DNAH8: variants seen among roughly 807,000 people sequenced by gnomAD.
DNAH8 encodes the protein axonemal beta dynein heavy chain 8.
A neutral mutation model predicts 562.1 loss-of-function variants in DNAH8; 382 were observed. The ratio of observed to expected loss-of-function variants is 0.68; its 90% CI spans 0.63 to 0.74. The LOEUF is 0.74. Among genes scored for constraint, DNAH8 ranks in the 30% least tolerant of loss-of-function variants. DNAH8 has a pLI of 0.00. For missense variants in DNAH8, 5,203 were observed against 5,620.4 expected (o/e 0.93, Z 2.37); for synonymous variants, 1,881 against 1,919.4 (o/e 0.98, Z 0.52).
chr6:38,924,852 A>T (rs1929900), intron 73 of DNAH8: 106,253 of 152,100 alleles, frequency 0.7, 37,732 homozygotes, highest in East Asian at 0.84. Context: ...TAGTGTCTAA[A>T]AACGTAACAG....
chr6:38,781,236 T>A lies in DNAH8; in HGVS notation c.2140-18T>A. ...CTTGTATTGAATTCAAACATTAACA[T>A]CAGATTTTTAATTACAGCTTTATCA... On this transcript the variant is annotated intron_variant, in intron 15 of 92. Coordinates refer to ENST00000327475, the MANE Select transcript of DNAH8 (RefSeq NM_001206927.2). 1 of 1,613,338 alleles carries A rather than the reference T, an allele frequency of 6.2e-7. No individual in the cohort carries two copies. Among genetic ancestry groups the A allele is most frequent in the Non-Finnish European group, 8.5e-7 (1 of 1,179,624 alleles).
Position 38,741,828 on chromosome 6 carries a change from G to A in DNAH8, c.1234G>A (p.Gly412Arg), listed in dbSNP as rs867564649. Reference sequence around the variant, plus strand: ...CAACTATATCATTGAGCAGATTAAAGGGCCAAGTTGTAAGGCTGTCATAAA... The same window carrying A: ...CAACTATATCATTGAGCAGATTAAAAGGCCAAGTTGTAAGGCTGTCATAAA... ...KFNYIIEQIK[G>R]PSCKAVINVL... Residue 412 changes from glycine (G) to arginine (R), a missense_variant, in exon 8 of 93, where the codon GGG (glycine) becomes AGG (arginine). Transcript: ENST00000327475. 6.2e-7 allele frequency: 1 copy of A among 1,614,106 alleles called. No individual in the cohort carries two copies. The highest frequency in any genetic ancestry group is 8.5e-7 in the Non-Finnish European group (1 of 1,179,988).
rs1781863583 is a variant in DNAH8 at position 38,923,314 on chromosome 6, T to TTC, written c.10790+129_10790+130insTC. On this transcript the variant is annotated intron_variant, in intron 72 of 92. Transcript: ENST00000327475. The stretch of plus-strand genomic sequence containing the variant: ...TGCTTGCAACTTAAATCATGCACTC[T>TTC]CAGGTGAAATACTATAGAGGGTGAA... 2.8e-6 allele frequency: 3 copies of TTC among 1,086,954 alleles called. No individual in the cohort carries two copies. In the South Asian group the frequency reaches 4.9e-5, roughly 18 times the overall value. The allele number at this position is 1,086,954 out of a possible 1,614,324, so 67.3% of individuals were successfully genotyped here. A position where few individuals can be genotyped will look rare whatever the true frequency, so the allele number is the denominator to read the frequency against.
intron 81 of DNAH8, among the ~76,000 whole-genome samples, chr6:38,950,441 G>A (rs1761806632): frequency 7.1e-6 from 1 of 140,844 alleles, no homozygotes; most frequent in Non-Finnish European, 1.5e-5. Flanking sequence ...AGTATGAAAA[G>A]GCTTTTTTTT....
At position 38,778,410 on chromosome 6, in the gene DNAH8, A is replaced by G. The variant is rs368267043; in HGVS notation, c.1985A>G (p.Asn662Ser). The change falls in exon 14 of 93, where the codon AAC becomes AGC. Residue 662 changes from asparagine to serine, a missense_variant. Physicochemically the swap from Asn to Ser is conservative, Grantham distance 46. This residue lies in a region of DNAH8 where 2,176 missense variants were observed against 2,365.1 expected (regional missense o/e 0.92). Transcript: ENST00000327475. ...GLEVQIQAFMNSSFGKILSSQ... is the reference protein window; with the variant it reads ...GLEVQIQAFMSSSFGKILSSQ... ...TAGGTACAAATACAGGCATTTATGA[A>G]CAGTAGTTTTGGGAAAATCTTATCT... 4.4e-6 allele frequency: 7 copies of G among 1,581,184 alleles called. No homozygotes were observed. The highest frequency in any genetic ancestry group is 1.7e-5 in the Admixed American group (1 of 59,426).
At chr6:38,782,852 T>C (rs1768773636) in intron 16 of DNAH8, 152 bp from the exon 17 acceptor site, 1 of 652,944 alleles carries the variant, frequency 1.5e-6, no homozygotes, top group African/African-American at 1.8e-5. Flanking sequence ...TTCTTGCTGA[T>C]ATGGCCTTCC....
intron 24 of DNAH8, among the ~76,000 whole-genome samples, chr6:38,813,423 T>G (rs1367216656): frequency 2.0e-5 from 3 of 152,036 alleles, no homozygotes; most frequent in African/African-American, 7.2e-5. Context: ...CTGCTTGTAT[T>G]TAGAAATGGA....
chr6:38,896,308 G>A (rs1268581457), intron 60 of DNAH8, 83 bp downstream of exon 60: 1 of 1,163,642 alleles, frequency 8.6e-7, no homozygotes, highest in Non-Finnish European at 1.2e-6. Flanking sequence ...TCCTACCATG[G>A]AGTTGCTATA....
In DNAH8 at chr6:38,883,398, A is replaced by G; in HGVS notation, c.8078A>G (p.Glu2693Gly). ...GCCTATTTGAAAAAATATGATCCTGAAGTACAGCTATCCAAAAGTCTAAAC... is the reference window on the plus strand; with the variant it reads ...GCCTATTTGAAAAAATATGATCCTGGAGTACAGCTATCCAAAAGTCTAAAC... The part of the protein sequence containing the change: ...VKAYLKKYDP[E>G]VQLSKSLNFS... Residue 2693 changes from glutamate to glycine, a missense_variant, in exon 55 of 93, where the codon GAA becomes GGA. Physicochemically the swap from Glu to Gly is moderately conservative, Grantham distance 98. Transcript: ENST00000327475. 1.2e-6 allele frequency: 2 copies of G among 1,613,286 alleles called. No homozygotes were observed. The highest frequency in any genetic ancestry group is 1.7e-6 in the Non-Finnish European group (2 of 1,179,558).
At chr6:38,990,719 C>T (rs909512379) in intron 88 of DNAH8, among the ~76,000 whole-genome samples, 4 of 152,174 alleles carry the variant, frequency 2.6e-5, no homozygotes, top group African/African-American at 7.2e-5. Flanking sequence ...TGCACAGCCC[C>T]GGGAGGAAAG....
chr6:39,005,365 C>T (rs1013489284), intron 88 of DNAH8, among the ~76,000 whole-genome samples: 26 of 152,166 alleles, frequency 1.7e-4, no homozygotes, highest in Non-Finnish European at 2.9e-5. Context: ...GCGAGCACCA[C>T]TGTACTCCAG....
rs1207266323 is a variant in DNAH8, at chr6:38,770,413, G to A, written c.1618G>A (p.Asp540Asn). The A allele has an allele frequency of 6.4e-7, 1 of 1,566,780 alleles. No individual in the cohort carries two copies. The highest frequency in any genetic ancestry group is 2.0e-5 in the Admixed American group (1 of 51,248). The change falls in exon 12 of 93, where the codon GAC (aspartate) becomes AAC (asparagine). Residue 540 changes from aspartate (D) to asparagine (N), a missense_variant and splice_region_variant. Asp to Asn is a conservative substitution (Grantham distance 23). Coordinates refer to ENST00000327475, the MANE Select transcript of DNAH8 (RefSeq NM_001206927.2). ...CCTATTTCTTTTACTTTTCTCATAG[G>A]ACTGCATTTTTCTATTCAAGGAATA... is the stretch of plus-strand genomic sequence containing the variant. ...ETPVVLKKIQ[D>N]CIFLFKEYQA...
At chr6:38,896,473 G>A (rs568315654) in intron 60 of DNAH8, among the ~76,000 whole-genome samples, 1 of 152,126 alleles carries the variant, frequency 6.6e-6, no homozygotes, top group Admixed American at 6.5e-5. Flanking sequence ...TACTCAGCAG[G>A]TGGAGGTGGG....
intron 76 of DNAH8, 29 bp downstream of exon 76, chr6:38,932,022 C>T (rs754753117): frequency 1.4e-6 from 2 of 1,455,702 alleles, no homozygotes; most frequent in South Asian, 3.0e-5. Context: ...TAAAGAATTT[C>T]TGCTTATAAT....
In DNAH8 at chr6:38,953,528, A is replaced by T. The variant is rs556190419; in HGVS notation, c.12451+2008A>T. ...TCTTGGTCCTACCTTACTTTTTCCAACAACAATCCAGGCTTCTATTGATTA... is the reference window on the plus strand; with the variant it reads ...TCTTGGTCCTACCTTACTTTTTCCATCAACAATCCAGGCTTCTATTGATTA... On this transcript the variant is annotated intron_variant, in intron 82 of 92. Transcript: ENST00000327475. 3.9e-5 allele frequency among the ~76,000 whole-genome samples: 6 copies of T among 152,266 alleles called. No individual in the cohort carries two copies. In the South Asian group the frequency reaches 1.2e-3, roughly 32 times the overall value.
At chr6:39,010,568 C>T (rs553078966) in intron 89 of DNAH8, among the ~76,000 whole-genome samples, 1 of 152,088 alleles carries the variant, frequency 6.6e-6, no homozygotes, top group Admixed American at 6.5e-5. Context: ...AAACCCTAAG[C>T]AGGACAAGGT....
chr6:39,010,266 AGAGAT>A (rs1766104883), intron 89 of DNAH8, among the ~76,000 whole-genome samples: 1 of 152,186 alleles, frequency 6.6e-6, no homozygotes, highest in African/African-American at 2.4e-5. Context: ...ATTTTATAGA[AGAGAT>A]CTTTCTTGAA....
rs1214928291 is a variant in DNAH8 at position 38,729,798 on chromosome 6, T to C, written c.526-104T>C. 6.2e-6 allele frequency: 4 copies of C among 648,710 alleles called. No individual in the cohort carries two copies. The Admixed American group carries it at 1.1e-4, about 18-fold the overall frequency. 40.2% of individuals were successfully genotyped at this position (648,710 alleles called of 1,614,324 possible). ...TTAGTTTGGGTTCTAATCTTGCCTT[T>C]ATGTACCTTTGAATAAACTCTTTGA... On this transcript the variant is annotated intron_variant, in intron 3 of 92. Coordinates refer to ENST00000327475, the MANE Select transcript of DNAH8 (RefSeq NM_001206927.2).
At chr6:38,754,298 G>A (rs1765725757) in intron 9 of DNAH8, among the ~76,000 whole-genome samples, 1 of 152,134 alleles carries the variant, frequency 6.6e-6, no homozygotes. Flanking sequence ...CTTTATTGGA[G>A]TTTAGTGGTA....
Sources: allele counts gnomAD v4.1 joint callset (sites outside exome capture counted in the v4.1 genomes callset), GRCh38; gene constraint gnomAD v4.1.1; regional missense constraint gnomAD v4.1.1; transcripts MANE v1.5; gene names NCBI Gene and HGNC (gene_info 2026-07-23, HGNC 2026-07-21).